The following RASAL2 variants were observed in gnomAD, a reference collection of about 807,000 sequenced individuals.
RASAL2 encodes ras GTPase-activating protein nGAP.
Under a neutral mutation model 128.9 loss-of-function variants are expected in RASAL2, and 58 were observed. That is an observed-to-expected ratio of 0.45 (90% CI 0.36 to 0.56). The LOEUF is 0.56. Among genes scored for constraint, RASAL2 ranks in the 20% least tolerant of loss-of-function variants. The probability of loss-of-function intolerance (pLI) is 0.00; values close to 1 mark genes in which losing one functional copy is unlikely to be tolerated. For synonymous variants in RASAL2, 561 were observed against 580.8 expected (o/e 0.97, Z 0.49); for missense variants, 1,360 against 1,601.6 (o/e 0.85, Z 2.57).
chr1:178,407,132 A>G (rs1674050688), intron 4 of RASAL2, among the ~76,000 whole-genome samples: 1 of 152,202 alleles, frequency 6.6e-6, no homozygotes, highest in Non-Finnish European at 1.5e-5. Context: ...CAAAAACAAA[A>G]AACCTACTAG....
chr1:178,212,709 C>G (rs963902394), intron 1 of RASAL2, among the ~76,000 whole-genome samples: 2 of 152,102 alleles, frequency 1.3e-5, no homozygotes, highest in Non-Finnish European at 2.9e-5. Flanking sequence ...CCAGGCTGGT[C>G]TCAAACTCCT....
At chr1:178,252,361 TAGG>T (rs1259118404) in intron 1 of RASAL2, among the ~76,000 whole-genome samples, 1 of 152,154 alleles carries the variant, frequency 6.6e-6, no homozygotes, top group East Asian at 1.9e-4. Context: ...AATGTTGGAA[TAGG>T]AGGAGATGTA....
At chr1:178,304,648 G>A in intron 3 of RASAL2, among the ~76,000 whole-genome samples, 1 of 152,190 alleles carries the variant, frequency 6.6e-6, no homozygotes, top group East Asian at 1.9e-4. Flanking sequence ...TGAGAAGATA[G>A]TGTGATAAGG....
At chr1:178,197,563 T>G (rs1662702354) in intron 1 of RASAL2, among the ~76,000 whole-genome samples, 1 of 149,912 alleles carries the variant, frequency 6.7e-6, no homozygotes. Context: ...GAGCCAAGAT[T>G]GTGCCACTGC....
chr1:178,226,515 C>T (rs947360475), intron 1 of RASAL2, among the ~76,000 whole-genome samples: 3 of 152,072 alleles, frequency 2.0e-5, no homozygotes, highest in South Asian at 2.1e-4. Flanking sequence ...AGAGAAAAAA[C>T]GGTTGTGTTG....
intron 1 of RASAL2, among the ~76,000 whole-genome samples, chr1:178,184,546 A>G (rs566996052): frequency 6.6e-6 from 1 of 152,202 alleles, no homozygotes; most frequent in Admixed American, 6.5e-5. Context: ...ACATACAGGC[A>G]TCCAATGTTT....
intron 7 of RASAL2, 22 bp downstream of exon 7, chr1:178,441,669 T>TA (rs748856518): frequency 3.9e-6 from 6 of 1,553,154 alleles, no homozygotes; most frequent in Non-Finnish European, 5.3e-6. Flanking sequence ...TTCAAGTATC[T>TA]AAAAAATGTA....
intron 1 of RASAL2, among the ~76,000 whole-genome samples, chr1:178,183,100 G>A (rs1356179465): frequency 1.3e-5 from 2 of 152,110 alleles, no homozygotes; most frequent in African/African-American, 4.8e-5. Context: ...GGCCCTAACA[G>A]GCCATGGACT....
intron 3 of RASAL2, among the ~76,000 whole-genome samples, chr1:178,356,092 CGG>C (rs1670792337): frequency 6.9e-6 from 1 of 145,256 alleles, no homozygotes; most frequent in Admixed American, 7.1e-5. Flanking sequence ...CGCTTGAACC[CGG>C]GAGGCAGAGG....
At chr1:178,407,021 C>T (rs2102683959) in intron 4 of RASAL2, among the ~76,000 whole-genome samples, 1 of 152,082 alleles carries the variant, frequency 6.6e-6, no homozygotes, top group East Asian at 1.9e-4. Context: ...TCACTGTGCC[C>T]CAATCCCAAA....
At chr1:178,212,497 T>A (rs1025516885) in intron 1 of RASAL2, among the ~76,000 whole-genome samples, 11 of 152,154 alleles carry the variant, frequency 7.2e-5, no homozygotes, top group Non-Finnish European at 1.5e-4. Flanking sequence ...ACTCTTTTTT[T>A]TTCTGTTTTT....
intron 3 of RASAL2, among the ~76,000 whole-genome samples, chr1:178,376,417 A>G (rs752740046): frequency 6.6e-6 from 1 of 152,176 alleles, no homozygotes. Context: ...AGACTTGTAC[A>G]TATTTTTAAG....
At chr1:178,303,925 G>C (rs1322550618) in intron 3 of RASAL2, among the ~76,000 whole-genome samples, 1 of 152,068 alleles carries the variant, frequency 6.6e-6, no homozygotes, top group Non-Finnish European at 1.5e-5. Flanking sequence ...TAGGATGGTG[G>C]TTACTTTTGG....
chr1:178,423,285 C>T (rs888056907), intron 5 of RASAL2, among the ~76,000 whole-genome samples: 4 of 152,046 alleles, frequency 2.6e-5, no homozygotes, highest in Non-Finnish European at 5.9e-5. Context: ...CCTTTTTGTA[C>T]TGGTGGCTGG....
chr1:178,442,058 A>T (rs974175707), intron 7 of RASAL2, among the ~76,000 whole-genome samples: 15 of 152,002 alleles, frequency 9.9e-5, no homozygotes. Context: ...AAACCACCAG[A>T]TCTCACAGGA....
intron 3 of RASAL2, among the ~76,000 whole-genome samples, chr1:178,303,295 C>T (rs1187306242): frequency 6.6e-6 from 1 of 151,894 alleles, no homozygotes; most frequent in Admixed American, 6.6e-5. Flanking sequence ...AGAGATAATA[C>T]AATAAAACTT....
At chr1:178,359,375 A>G (rs1026812582) in intron 3 of RASAL2, among the ~76,000 whole-genome samples, 1 of 152,140 alleles carries the variant, frequency 6.6e-6, no homozygotes, top group East Asian at 1.9e-4. Context: ...ATATTTATTC[A>G]TTTCTCCCAA....
Position 178,094,316 on chromosome 1 carries a change from C to A in RASAL2, c.-177C>A. ...GCCGACTGCAGGTGGGCTGCATCGC[C>A]CGAGCCTCGGGCAGTGGGCGACGGG... On this transcript the variant is annotated 5_prime_UTR_variant, in exon 1 of 18. Coordinates refer to ENST00000367649, the MANE Select transcript of RASAL2 (RefSeq NM_170692.4). 1 of 602,578 alleles carries A rather than the reference C, an allele frequency of 1.7e-6. No homozygotes were observed. The highest frequency in any genetic ancestry group is 2.8e-6 in the Non-Finnish European group (1 of 363,218). 37.3% of individuals were successfully genotyped at this position (602,578 alleles called of 1,614,324 possible). A position where few individuals can be genotyped will look rare whatever the true frequency, so the allele number is the denominator to read the frequency against.
intron 1 of RASAL2, among the ~76,000 whole-genome samples, chr1:178,188,785 AT>A (rs1322815815): frequency 3.9e-5 from 6 of 152,142 alleles, no homozygotes; most frequent in African/African-American, 1.4e-4. Flanking sequence ...ACTCTTCATT[AT>A]TTACAGATAT....
Sources: allele counts gnomAD v4.1 joint callset (sites outside exome capture counted in the v4.1 genomes callset), GRCh38; gene constraint gnomAD v4.1.1; transcripts MANE v1.5; gene names NCBI Gene and HGNC (gene_info 2026-07-23, HGNC 2026-07-21).